The following THAP8 variants were observed in gnomAD, a reference collection of about 807,000 sequenced individuals.
THAP8 encodes the protein THAP domain-containing protein 8.
A neutral mutation model predicts 25.0 loss-of-function variants in THAP8; 24 were observed. The observed-to-expected ratio is 0.96, with a 90% CI of 0.69 to 1.35. THAP8 has a LOEUF of 1.35. THAP8 is among the 40% of genes most tolerant of loss of function. The pLI, the probability that THAP8 is intolerant of heterozygous loss-of-function variation, is 0.00. For missense variants in THAP8, 399 were observed against 368.8 expected, an observed-to-expected ratio of 1.08 and a Z score of -0.67; for synonymous variants, 169 against 157.6, an observed-to-expected ratio of 1.07 and a Z score of -0.54.
At chr19:36,046,839 A>G (rs1201826734) in intron 1 of THAP8, among the ~76,000 whole-genome samples, 1 of 152,164 alleles carries the variant, frequency 6.6e-6, no homozygotes, top group Non-Finnish European at 1.5e-5. Context: ...GTTTCCCAGG[A>G]TCCTTTGCAG....
At chr19:36,053,093 G>T (rs898700689) in intron 1 of THAP8, among the ~76,000 whole-genome samples, 1 of 151,750 alleles carries the variant, frequency 6.6e-6, no homozygotes, top group Non-Finnish European at 1.5e-5. Context: ...TTGAGACGGA[G>T]TCTCACTCTT....
chr19:36,039,593 G>A lies in THAP8; in HGVS notation c.402C>T (p.Gly134=). ...VSGPVRLVVL[G]PTSGSPKTVA... ...CAGTCTTGGGGCTCCCCGATGTGGG[G>A]CCCAGCACCACTAGGCGCACTGGGC... Residue 134 remains glycine, a synonymous_variant, in exon 3 of 4, where the codon GGC becomes GGT. Transcript: ENST00000292894. 1 of 1,513,636 alleles carries A rather than the reference G, an allele frequency of 6.6e-7. No homozygotes were observed. Among genetic ancestry groups the A allele is most frequent in the Non-Finnish European group, 8.9e-7 (1 of 1,126,744 alleles). 93.8% of individuals were successfully genotyped at this position (1,513,636 alleles called of 1,614,324 possible). A position where few individuals can be genotyped will look rare whatever the true frequency, so the allele number is the denominator to read the frequency against.
chr19:36,036,433 T>G (rs1449031280), intron 3 of THAP8, among the ~76,000 whole-genome samples: 1 of 152,084 alleles, frequency 6.6e-6, no homozygotes, highest in African/African-American at 2.4e-5. Context: ...AACACTTGGC[T>G]AATTTTTTGT....
In THAP8 at chr19:36,039,957, C is replaced by G. The variant is rs536651972; in HGVS notation, c.263G>C (p.Gly88Ala). Residue 88 changes from glycine to alanine, a missense_variant, in exon 2 of 4, where the codon GGA becomes GCA. Gly to Ala is a moderately conservative substitution (Grantham distance 60). Transcript: ENST00000292894. ...PDAVPSIFSR[G>A]PPAKSQRRTR... is the part of the protein sequence containing the mutation. Reference sequence around the variant, plus strand: ...CCCAGCGCTCACCTTGGCAGGTGGTCCCCGGGAGAAGATGGAGGGCACTGC... The same window carrying G: ...CCCAGCGCTCACCTTGGCAGGTGGTGCCCGGGAGAAGATGGAGGGCACTGC... 6.2e-7 allele frequency: 1 copy of G among 1,612,834 alleles called. No homozygotes were observed. Among genetic ancestry groups the G allele is most frequent in the East Asian group, 2.2e-5 (1 of 44,862 alleles).
chr19:36,051,976 C>T (rs962812163), intron 1 of THAP8, among the ~76,000 whole-genome samples: 2 of 152,076 alleles, frequency 1.3e-5, no homozygotes, highest in Non-Finnish European at 2.9e-5. Flanking sequence ...GAGTGTGAAT[C>T]CTATTCTGAA....
At position 36,039,660 on chromosome 19, in the gene THAP8, T is replaced by C. The variant is rs3810450; in HGVS notation, c.335A>G (p.Lys112Arg). ...AGGGCTCTGGGGCAGGGGTGTATTC[T>C]TCTGTAGGGGAGGCGGCGGCGAGAC... ...KPVSPPPPLQ[K>R]NTPLPQSPAI... The change falls in exon 3 of 4, where the codon AAG (lysine) becomes AGG (arginine). Residue 112 changes from lysine to arginine, a missense_variant. Physicochemically the swap from Lys to Arg is conservative, Grantham distance 26. Coordinates refer to ENST00000292894, the MANE Select transcript of THAP8 (RefSeq NM_152658.3). The C allele has an allele frequency of 0.042, 63,493 of 1,521,806 alleles. 2,196 individuals are homozygous for C. The highest frequency in any genetic ancestry group is 0.22 in the East Asian group (9,031 of 40,750). 94.3% of individuals were successfully genotyped at this position (1,521,806 alleles called of 1,614,324 possible).
rs1002696977 is a variant in THAP8 at position 36,040,016 on chromosome 19, C to T, written c.204G>A (p.Gln68=). ...GCAGGTAGCGCACACCCCAGCGCCA[C>T]TGGAAGCAGGAGGGTGTGAAGTGCT... ...CSEHFTPSCF[Q]WRWGVRYLRP... is the part of the protein sequence containing the mutation. Residue 68 remains glutamine, a synonymous_variant, in exon 2 of 4, where the codon CAG becomes CAA. Transcript: ENST00000292894. 1.2e-6 allele frequency: 2 copies of T among 1,613,820 alleles called. No homozygotes were observed. Among genetic ancestry groups the T allele is most frequent in the Non-Finnish European group, 8.5e-7 (1 of 1,179,944 alleles).
rs142456832 is a variant in THAP8, at chr19:36,041,806, C to T, written c.84-1670G>A. On this transcript the variant is annotated intron_variant, in intron 1 of 3. Transcript: ENST00000292894. ...GAACAACAACAAAAAAGAGGCCGGGCATGGTGGCTTGTGTCTGTAATCCCA... is the reference window on the plus strand; with the variant it reads ...GAACAACAACAAAAAAGAGGCCGGGTATGGTGGCTTGTGTCTGTAATCCCA... Among the ~76,000 whole-genome samples, 1,196 of 152,234 alleles carry T rather than the reference C, an allele frequency of 7.9e-3. 12 individuals are homozygous for T. The highest frequency in any genetic ancestry group is 0.013 in the Non-Finnish European group (873 of 68,006).
At chr19:36,038,815 C>A (rs1969572985) in intron 3 of THAP8, among the ~76,000 whole-genome samples, 2 of 150,600 alleles carry the variant, frequency 1.3e-5, no homozygotes, top group Admixed American at 6.6e-5. Flanking sequence ...TGCACTACTG[C>A]ACTCCAGCCT....
chr19:36,048,546 G>A (rs913580556), intron 1 of THAP8, among the ~76,000 whole-genome samples: 1 of 151,838 alleles, frequency 6.6e-6, no homozygotes, highest in Non-Finnish European at 1.5e-5. Flanking sequence ...TGTATTTTTA[G>A]TAGAAATGGG....
intron 1 of THAP8, among the ~76,000 whole-genome samples, chr19:36,042,640 C>G (rs919718432): frequency 6.6e-6 from 1 of 152,146 alleles, no homozygotes. Flanking sequence ...CAAAAACAAA[C>G]AAACAGACAA....
At chr19:36,037,801 G>A (rs1222682951) in intron 3 of THAP8, among the ~76,000 whole-genome samples, 4 of 151,596 alleles carry the variant, frequency 2.6e-5, no homozygotes, top group Non-Finnish European at 5.9e-5. Flanking sequence ...CACCACGTCC[G>A]GCTACTTTTT....
At chr19:36,040,873 G>T (rs145063425) in intron 1 of THAP8, among the ~76,000 whole-genome samples, 1 of 152,242 alleles carries the variant, frequency 6.6e-6, no homozygotes, top group East Asian at 1.9e-4. Flanking sequence ...ATAAATGGGG[G>T]TGTGGGGTTT....
chr19:36,053,321 G>A (rs1383375202), intron 1 of THAP8, among the ~76,000 whole-genome samples: 3 of 134,756 alleles, frequency 2.2e-5, no homozygotes, highest in Non-Finnish European at 4.6e-5. Context: ...GCCCGCCTCG[G>A]CCTCCCAAAG....
In THAP8 at chr19:36,039,708, C is replaced by T; in HGVS notation, c.287G>A (p.Arg96Lys). The change falls in exon 3 of 4, where the codon AGG becomes AAG. Residue 96 changes from arginine to lysine, a missense_variant. Coordinates refer to ENST00000292894, the MANE Select transcript of THAP8 (RefSeq NM_152658.3). The stretch of plus-strand genomic sequence containing the variant: ...GACTGGCTTCTGGGTGCTTCGGGTC[C>T]TCCGCTGACTCTGGAAGACAAGGCA... ...SRGPPAKSQRRTRSTQKPVSP... is the reference protein window; with the variant it reads ...SRGPPAKSQRKTRSTQKPVSP... 1 of 1,517,328 alleles carries T rather than the reference C, an allele frequency of 6.6e-7. No individual in the cohort carries two copies. The highest frequency in any genetic ancestry group is 8.8e-7 in the Non-Finnish European group (1 of 1,131,802). 94.0% of individuals were successfully genotyped at this position (1,517,328 alleles called of 1,614,324 possible).
chr19:36,039,190 C>G lies in THAP8; in HGVS notation c.672+133G>C, dbSNP rs934105192. The G allele has an allele frequency of 2.3e-6, 3 of 1,307,452 alleles. No individual in the cohort carries two copies. In the East Asian group the frequency reaches 8.9e-5, roughly 39 times the overall value. 81.0% of individuals were successfully genotyped at this position (1,307,452 alleles called of 1,614,324 possible). A position where few individuals can be genotyped will look rare whatever the true frequency, so the allele number is the denominator to read the frequency against. On this transcript the variant is annotated intron_variant, in intron 3 of 3. Coordinates refer to ENST00000292894, the MANE Select transcript of THAP8 (RefSeq NM_152658.3). ...GATTACAGGCGTGAGCCACTGAGCC[C>G]GGGAAAGCCAGAAATTTGGAAACAC...
At chr19:36,036,295 A>ATTTTTTTTT (rs1245858015) in intron 3 of THAP8, among the ~76,000 whole-genome samples, 4 of 46,824 alleles carry the variant, frequency 8.5e-5, no homozygotes, top group South Asian at 5.0e-4. Context: ...TTTTTTTTTG[A>ATTTTTTTTT]GACAGAGTCT....
At chr19:36,053,339 A>AT (rs1360675009) in intron 1 of THAP8, among the ~76,000 whole-genome samples, 1 of 126,256 alleles carries the variant, frequency 7.9e-6, no homozygotes, top group African/African-American at 3.1e-5. Context: ...AAGTGCTGGG[A>AT]TTACAGGCGT....
At chr19:36,054,532 G>C, upstream of THAP8, 1 of 561,532 alleles carries the variant, frequency 1.8e-6, no homozygotes, top group Non-Finnish European at 3.2e-6. Flanking sequence ...CTGAGCCTGC[G>C]CCAACCAAAT....
Sources: allele counts gnomAD v4.1 joint callset (sites outside exome capture counted in the v4.1 genomes callset), GRCh38; gene constraint gnomAD v4.1.1; transcripts MANE v1.5; gene names NCBI Gene and HGNC (gene_info 2026-07-23, HGNC 2026-07-21).